SEMA5A: variants seen among roughly 807,000 people sequenced by gnomAD.
SEMA5A encodes the protein semaphorin 5A.
In SEMA5A, 55 loss-of-function variants were observed where a neutral mutation model predicts 135.5. The observed-to-expected ratio is 0.41, with a 90% CI of 0.33 to 0.51. The LOEUF (loss-of-function observed/expected upper bound fraction) is 0.51, where lower values mean the gene tolerates loss of function less well. SEMA5A is among the 20% of genes least tolerant of loss of function. The probability of loss-of-function intolerance (pLI) is 0.37; values close to 1 mark genes in which losing one functional copy is unlikely to be tolerated. For missense variants in SEMA5A, 1,290 were observed against 1,419.9 expected, an observed-to-expected ratio of 0.91 and a Z score of 1.47; for synonymous variants, 580 against 546.5, an observed-to-expected ratio of 1.06 and a Z score of -0.85.
chr5:9,362,636 A>C (rs2126386000), intron 3 of SEMA5A, among the ~76,000 whole-genome samples: 1 of 152,280 alleles, frequency 6.6e-6, no homozygotes, highest in South Asian at 2.1e-4. Context: ...CTACTATTTA[A>C]CCATTAATTA....
At chr5:9,161,815 A>C (rs1743272842) in intron 11 of SEMA5A, among the ~76,000 whole-genome samples, 1 of 152,242 alleles carries the variant, frequency 6.6e-6, no homozygotes, top group African/African-American at 2.4e-5. Context: ...CTTCTCTATA[A>C]GTGTTTAAAA....
chr5:9,100,280 T>C (rs1023664827), intron 16 of SEMA5A, among the ~76,000 whole-genome samples: 2 of 151,814 alleles, frequency 1.3e-5, no homozygotes, highest in African/African-American at 4.8e-5. Context: ...TAGATGTGCT[T>C]TTGGGGCCGC....
intron 16 of SEMA5A, among the ~76,000 whole-genome samples, chr5:9,085,491 T>C (rs1423822128): frequency 1.3e-5 from 2 of 152,180 alleles, no homozygotes; most frequent in African/African-American, 4.8e-5. Flanking sequence ...GCTCAGTCTG[T>C]GGCTGCAGAG....
chr5:9,439,530 G>A (rs3756725), intron 1 of SEMA5A, among the ~76,000 whole-genome samples: 19,804 of 152,142 alleles, frequency 0.13, 1,340 homozygotes, highest in East Asian at 0.21. Flanking sequence ...ATTAAAAACA[G>A]GGCTAATAGG....
chr5:9,326,667 A>G (rs1445424068), intron 4 of SEMA5A, among the ~76,000 whole-genome samples: 1 of 152,134 alleles, frequency 6.6e-6, no homozygotes, highest in African/African-American at 2.4e-5. Flanking sequence ...CTGTAATCCT[A>G]TCTACCTGGG....
intron 9 of SEMA5A, among the ~76,000 whole-genome samples, chr5:9,197,759 TG>T (rs1745487803): frequency 6.9e-6 from 1 of 144,120 alleles, no homozygotes; most frequent in Admixed American, 7.2e-5. Flanking sequence ...TGTGTGTGTG[TG>T]TGTGTGTGTG....
At chr5:9,060,542 C>T (rs1259288571) in intron 18 of SEMA5A, among the ~76,000 whole-genome samples, 1 of 152,076 alleles carries the variant, frequency 6.6e-6, no homozygotes, top group Non-Finnish European at 1.5e-5. Context: ...CTCTCAGCCC[C>T]CAGAGGAGGA....
At chr5:9,464,415 A>C (rs1449511953) in intron 1 of SEMA5A, among the ~76,000 whole-genome samples, 1 of 152,198 alleles carries the variant, frequency 6.6e-6, no homozygotes, top group African/African-American at 2.4e-5. Flanking sequence ...AACTGTTAAG[A>C]AGATGTTAAT....
intron 13 of SEMA5A, among the ~76,000 whole-genome samples, chr5:9,129,765 C>T (rs944817902): frequency 2.6e-5 from 4 of 152,096 alleles, no homozygotes; most frequent in Admixed American, 2.0e-4. Context: ...GTGGTAGTTT[C>T]GTGTATGCCA....
chr5:9,208,017 C>G (rs993897400), intron 8 of SEMA5A, among the ~76,000 whole-genome samples: 1 of 152,092 alleles, frequency 6.6e-6, no homozygotes, highest in African/African-American at 2.4e-5. Flanking sequence ...CTCAATACTT[C>G]CACCTACTGG....
chr5:9,304,581 A>G (rs935002623), intron 5 of SEMA5A, among the ~76,000 whole-genome samples: 2 of 152,050 alleles, frequency 1.3e-5, no homozygotes, highest in African/African-American at 4.8e-5. Context: ...AAAACTTTCA[A>G]CTCTTTAACT....
At chr5:9,072,210 G>A (rs561690845) in intron 16 of SEMA5A, among the ~76,000 whole-genome samples, 1 of 152,260 alleles carries the variant, frequency 6.6e-6, no homozygotes, top group African/African-American at 2.4e-5. Context: ...TGAGTAATGG[G>A]AGACAACTTA....
At chr5:9,387,780 G>T (rs1368000946) in intron 2 of SEMA5A, among the ~76,000 whole-genome samples, 1 of 152,118 alleles carries the variant, frequency 6.6e-6, no homozygotes, top group Admixed American at 6.5e-5. Context: ...TTTCAAAAAC[G>T]ATAACTGAAC....
intron 1 of SEMA5A, among the ~76,000 whole-genome samples, chr5:9,483,059 C>T (rs2135071): frequency 0.1 from 15,347 of 152,154 alleles, 909 homozygotes; most frequent in African/African-American, 0.15. Context: ...AATTGCCATG[C>T]CAATAATTGA....
chr5:9,405,167 A>T (rs1756825786), intron 2 of SEMA5A, among the ~76,000 whole-genome samples: 1 of 152,212 alleles, frequency 6.6e-6, no homozygotes, highest in Non-Finnish European at 1.5e-5. Flanking sequence ...GTTGTTGAAA[A>T]CACCCACATG....
chr5:9,490,268 G>A (rs1734936090), intron 1 of SEMA5A, among the ~76,000 whole-genome samples: 2 of 152,156 alleles, frequency 1.3e-5, no homozygotes, highest in East Asian at 3.9e-4. Context: ...CACAGCAGAG[G>A]AGAAAACCAA....
intron 4 of SEMA5A, among the ~76,000 whole-genome samples, chr5:9,328,965 C>T (rs999989112): frequency 2.6e-5 from 4 of 152,126 alleles, no homozygotes; most frequent in African/African-American, 7.2e-5. Context: ...ATGCTCAGAG[C>T]TTCACCTATA....
chr5:9,352,095 G>GGGGA (rs372508437), intron 3 of SEMA5A, among the ~76,000 whole-genome samples: 620 of 10,298 alleles, frequency 0.06, 10 homozygotes, highest in Middle Eastern at 0.17. Context: ...GTAACAGGTC[G>GGGGA]GGGGGGTTAC....
At chr5:9,429,447 C>A (rs1458450034) in intron 2 of SEMA5A, among the ~76,000 whole-genome samples, 1 of 152,096 alleles carries the variant, frequency 6.6e-6, no homozygotes, top group Non-Finnish European at 1.5e-5. Context: ...AAATCCCTGG[C>A]AGGGTAGAGC....
Sources: gnomAD v4.1 joint callset for allele counts (sites outside exome capture counted in the v4.1 genomes callset) on GRCh38, gnomAD v4.1.1 for gene constraint, MANE v1.5 for transcripts, NCBI Gene and HGNC (gene_info 2026-07-23, HGNC 2026-07-21) for gene names.